KAZN: variants seen among roughly 807,000 people sequenced by gnomAD.
The protein encoded by KAZN is kazrin, periplakin interacting protein, also known as kazrin.
Under a neutral mutation model 87.4 loss-of-function variants are expected in KAZN, and 40 were observed. The ratio of observed to expected loss-of-function variants is 0.46; its 90% CI spans 0.36 to 0.60. KAZN has a LOEUF of 0.60. KAZN is among the 20% of genes least tolerant of loss of function. The pLI, the probability that KAZN is intolerant of heterozygous loss-of-function variation, is 0.00. For synonymous variants in KAZN, 466 were observed against 458.3 expected, an observed-to-expected ratio of 1.02 and a Z score of -0.22; for missense variants, 898 against 1,073.9, an observed-to-expected ratio of 0.84 and a Z score of 2.29.
chr1:15,054,302 A>C (rs567648843), intron 4 of KAZN, among the ~76,000 whole-genome samples: 1 of 152,144 alleles, frequency 6.6e-6, no homozygotes, highest in Non-Finnish European at 1.5e-5. Flanking sequence ...ACCTCAGTGC[A>C]GGGGACCCCT....
At chr1:14,305,066 C>G (rs183319470) in intron 2 of KAZN, among the ~76,000 whole-genome samples, 56 of 152,106 alleles carry the variant, frequency 3.7e-4, no homozygotes, top group African/African-American at 1.3e-3. Flanking sequence ...TCACACATCC[C>G]TAAATTTTAG....
intron 2 of KAZN, among the ~76,000 whole-genome samples, chr1:14,499,624 T>C (rs1670135189): frequency 6.6e-6 from 1 of 152,200 alleles, no homozygotes; most frequent in Non-Finnish European, 1.5e-5. Flanking sequence ...CCAAATCCTT[T>C]AAAGGGAGAG....
intron 2 of KAZN, among the ~76,000 whole-genome samples, chr1:14,301,100 G>C (rs1416043995): frequency 6.6e-6 from 1 of 152,168 alleles, no homozygotes; most frequent in East Asian, 1.9e-4. Flanking sequence ...GTCTTGTATG[G>C]AAAACTCAGC....
intron 2 of KAZN, among the ~76,000 whole-genome samples, chr1:14,239,221 ATGCTT>A (rs1367615730): frequency 1.3e-5 from 2 of 152,172 alleles, no homozygotes; most frequent in African/African-American, 4.8e-5. Context: ...CACAGAGGTG[ATGCTT>A]TGCCTCTAGT....
chr1:14,734,281 A>G (rs1643817278), intron 1 of KAZN, among the ~76,000 whole-genome samples: 1 of 150,354 alleles, frequency 6.7e-6, no homozygotes, highest in African/African-American at 2.5e-5. Flanking sequence ...GTGGGGCCAG[A>G]GAGTCTGTGT....
chr1:14,741,845 G>A (rs1390885097), intron 1 of KAZN, among the ~76,000 whole-genome samples: 1 of 152,180 alleles, frequency 6.6e-6, no homozygotes, highest in East Asian at 1.9e-4. Flanking sequence ...AGAAACTGAT[G>A]AGGGGCCCTG....
chr1:14,106,498 C>G (rs1644377820), intron 1 of KAZN, among the ~76,000 whole-genome samples: 1 of 152,178 alleles, frequency 6.6e-6, no homozygotes, highest in South Asian at 2.1e-4. Context: ...AGGGCTGTAT[C>G]CTTTAGTGGT....
chr1:14,260,259 G>T (rs1197341574), intron 2 of KAZN, among the ~76,000 whole-genome samples: 1 of 152,186 alleles, frequency 6.6e-6, no homozygotes, highest in African/African-American at 2.4e-5. Flanking sequence ...TTCTAGTGTA[G>T]GAGGCACACG....
At chr1:14,273,833 G>A (rs964275102) in intron 2 of KAZN, among the ~76,000 whole-genome samples, 1 of 57,538 alleles carries the variant, frequency 1.7e-5, no homozygotes, top group Non-Finnish European at 6.3e-5. Flanking sequence ...GCTGGGAGCA[G>A]TATTTTTTTT....
intron 1 of KAZN, among the ~76,000 whole-genome samples, chr1:13,919,429 A>G (rs1639979363): frequency 6.6e-6 from 1 of 152,192 alleles, no homozygotes; most frequent in South Asian, 2.1e-4. Flanking sequence ...TGAGCATATC[A>G]CACACGTTTA....
At chr1:13,928,806 T>C (rs1640385303) in intron 1 of KAZN, among the ~76,000 whole-genome samples, 2 of 152,038 alleles carry the variant, frequency 1.3e-5, no homozygotes, top group Non-Finnish European at 2.9e-5. Context: ...GCTGAGTACA[T>C]GCCTTGGAGT....
rs569127034 is a variant in KAZN at position 14,940,860 on chromosome 1, G to C, written c.227-19824G>C. Among the ~76,000 whole-genome samples, 4 of 150,084 alleles carry C rather than the reference G, an allele frequency of 2.7e-5. No homozygotes were observed. The South Asian group carries it at 6.3e-4, about 24-fold the overall frequency. The stretch of plus-strand genomic sequence containing the variant: ...AGCCCAGTAGCCTGGGCCTGGCCAG[G>C]CAGGTGGAAATGACCAGACAGATGT... On this transcript the variant is annotated intron_variant, in intron 1 of 14. Coordinates refer to ENST00000376030, the MANE Select transcript of KAZN (RefSeq NM_201628.3).
chr1:14,511,940 A>G (rs894643148), intron 2 of KAZN, among the ~76,000 whole-genome samples: 1 of 152,198 alleles, frequency 6.6e-6, no homozygotes, highest in African/African-American at 2.4e-5. Flanking sequence ...CTGCTTATCC[A>G]CTATGCATAA....
chr1:14,346,204 T>C (rs934763438), intron 2 of KAZN, among the ~76,000 whole-genome samples: 1 of 152,054 alleles, frequency 6.6e-6, no homozygotes, highest in South Asian at 2.1e-4. Flanking sequence ...TTACTGTACA[T>C]GAAAATGCAC....
rs557382982 is a variant in KAZN, at chr1:15,048,614, G to A, written c.726+4455G>A. ...CCTGGGTCGTCGGTCCTGGGTCGCT[G>A]GTCCTGGGTCGTCGGTCCTGGGTCG... On this transcript the variant is annotated intron_variant, in intron 4 of 14. Coordinates refer to ENST00000376030, the MANE Select transcript of KAZN (RefSeq NM_201628.3). Among the ~76,000 whole-genome samples the A allele has an allele frequency of 3.0e-3, 394 of 130,636 alleles. 1 individual carries two copies. The highest frequency in any genetic ancestry group is 0.016 in the African/African-American group (364 of 23,080). The allele number at this position is 130,636 out of a possible 152,430, so 85.7% of individuals were successfully genotyped here.
chr1:14,962,136 AG>A (rs751097827), intron 2 of KAZN, among the ~76,000 whole-genome samples: 3 of 152,238 alleles, frequency 2.0e-5, no homozygotes, highest in Non-Finnish European at 4.4e-5. Context: ...TTCCCTGACA[AG>A]GGGTGTGATG....
rs201660586 is a variant in KAZN, at chr1:14,986,235, C to T, written c.418+25360C>T. ...ATATTATTAACATCAGTGGGTAGTA[C>T]AGTAATAAAACACATCACTAGCAGC... is the stretch of plus-strand genomic sequence containing the variant. On this transcript the variant is annotated intron_variant, in intron 2 of 14. Transcript: ENST00000376030. Among the ~76,000 whole-genome samples the T allele has an allele frequency of 6.6e-5, 10 of 152,114 alleles. No homozygotes were observed. The East Asian group carries it at 1.9e-3, about 29-fold the overall frequency.
intron 2 of KAZN, among the ~76,000 whole-genome samples, chr1:14,450,169 C>T (rs778508804): frequency 6.6e-6 from 1 of 152,136 alleles, no homozygotes; most frequent in African/African-American, 2.4e-5. Context: ...CACACCTGTC[C>T]TTTCTTTTCT....
At chr1:15,095,954 A>C (rs1640789556) in intron 10 of KAZN, among the ~76,000 whole-genome samples, 1 of 152,182 alleles carries the variant, frequency 6.6e-6, no homozygotes, top group Non-Finnish European at 1.5e-5. Context: ...GCCAGGCCTC[A>C]TTGGCACCAT....
Sources: allele counts gnomAD v4.1 joint callset (sites outside exome capture counted in the v4.1 genomes callset), GRCh38; gene constraint gnomAD v4.1.1; transcripts MANE v1.5; gene names NCBI Gene and HGNC (gene_info 2026-07-23, HGNC 2026-07-21).